RBPJ: variants seen among roughly 807,000 people sequenced by gnomAD.
RBPJ encodes the protein recombination signal binding protein for immunoglobulin kappa J region, also known as recombining binding protein suppressor of hairless.
A neutral mutation model predicts 67.8 loss-of-function variants in RBPJ; 9 were observed. The ratio of observed to expected loss-of-function variants is 0.13; its 90% CI spans 0.08 to 0.23. The LOEUF (loss-of-function observed/expected upper bound fraction) is 0.23, where lower values mean the gene tolerates loss of function less well. Among genes scored for constraint, RBPJ ranks in the 10% least tolerant of loss-of-function variants. The pLI is 1.00. For missense variants in RBPJ, 305 were observed against 595.6 expected (o/e 0.51, Z 5.08); for synonymous variants, 198 against 203.3 (o/e 0.97, Z 0.22).
chr4:26,420,173 T>A (rs1027185200), intron 4 of RBPJ, among the ~76,000 whole-genome samples: 28 of 151,936 alleles, frequency 1.8e-4, no homozygotes, highest in Non-Finnish European at 2.5e-4. Flanking sequence ...TATTATTATT[T>A]TTTTTTTGGA....
In RBPJ at chr4:26,395,337, C is replaced by A. The variant is rs188767959; in HGVS notation, c.59+8946C>A. On this transcript the variant is annotated intron_variant, in intron 2 of 10. Transcript: ENST00000355476. ...TGGTATTGCCCGCCTGTGGTCCTAGCTACATGGAAGGCTAAGGTGGGGTGA... is the reference window on the plus strand; with the variant it reads ...TGGTATTGCCCGCCTGTGGTCCTAGATACATGGAAGGCTAAGGTGGGGTGA... Among the ~76,000 whole-genome samples, 925 of 152,144 alleles carry A rather than the reference C, an allele frequency of 6.1e-3. 8 individuals carry two copies. The highest frequency in any genetic ancestry group is 0.01 in the Non-Finnish European group (689 of 67,998).
At chr4:26,341,854 C>T (rs761511385) in intron 1 of RBPJ, among the ~76,000 whole-genome samples, 6 of 152,156 alleles carry the variant, frequency 3.9e-5, no homozygotes, top group African/African-American at 9.6e-5. Context: ...AATACCAGCA[C>T]GTTTGTATGT....
chr4:26,400,595 G>A (rs1577615369), intron 2 of RBPJ, among the ~76,000 whole-genome samples: 1 of 152,224 alleles, frequency 6.6e-6, no homozygotes, highest in East Asian at 1.9e-4. Context: ...AGCTTTAATT[G>A]CCAGAGAACA....
chr4:26,231,903 A>T (rs947688552), intron 1 of RBPJ, among the ~76,000 whole-genome samples: 4 of 144,830 alleles, frequency 2.8e-5, no homozygotes, highest in Non-Finnish European at 6.1e-5. Context: ...TTATTTATTT[A>T]TTTTTTTAGA....
At chr4:26,130,482 C>G in the RBPJ span, among the ~76,000 whole-genome samples, 3 of 152,178 alleles carry the variant, frequency 2.0e-5, no homozygotes, top group East Asian at 5.8e-4. Context: ...GCAGCCGCTC[C>G]TCAGGTCTCC....
the RBPJ span, among the ~76,000 whole-genome samples, chr4:26,114,613 A>G: frequency 6.6e-6 from 1 of 151,922 alleles, no homozygotes; most frequent in African/African-American, 2.4e-5. Context: ...TTGTCAGGAG[A>G]AAATACGTAC....
At chr4:26,154,928 C>T in the RBPJ span, among the ~76,000 whole-genome samples, 1 of 152,196 alleles carries the variant, frequency 6.6e-6, no homozygotes, top group Non-Finnish European at 1.5e-5. Flanking sequence ...TAATACCCCC[C>T]ACCAGGCTTC....
intron 1 of RBPJ, among the ~76,000 whole-genome samples, chr4:26,326,679 C>T (rs1189307166): frequency 2.0e-5 from 3 of 151,600 alleles, no homozygotes; most frequent in Non-Finnish European, 4.4e-5. Context: ...TTGTGACTGT[C>T]AAATAAGGTA....
At chr4:26,251,847 C>CAAA (rs769291407) in intron 1 of RBPJ, among the ~76,000 whole-genome samples, 760 of 47,544 alleles carry the variant, frequency 0.016, no homozygotes, top group Non-Finnish European at 0.019. Flanking sequence ...GACTCCGTCT[C>CAAA]AAAAAAAAAA....
chr4:26,214,945 A>AG (rs1718615948), intron 1 of RBPJ, among the ~76,000 whole-genome samples: 1 of 102,430 alleles, frequency 9.8e-6, no homozygotes, highest in Non-Finnish European at 1.9e-5. Flanking sequence ...GGGAGGGAGG[A>AG]AGGACGGAAG....
intron 1 of RBPJ, among the ~76,000 whole-genome samples, chr4:26,262,495 C>T (rs1265731392): frequency 6.6e-6 from 1 of 152,288 alleles, no homozygotes; most frequent in Non-Finnish European, 1.5e-5. Flanking sequence ...CCCTTGGCTT[C>T]GAGGATAACT....
chr4:26,371,147 C>T (rs1729125796), intron 1 of RBPJ, among the ~76,000 whole-genome samples: 1 of 151,362 alleles, frequency 6.6e-6, no homozygotes, highest in South Asian at 2.1e-4. Flanking sequence ...TGGAAATTAA[C>T]TTAAACATTA....
the RBPJ span, among the ~76,000 whole-genome samples, chr4:26,117,779 A>G: frequency 6.6e-6 from 1 of 152,226 alleles, no homozygotes; most frequent in Non-Finnish European, 1.5e-5. Flanking sequence ...AAGTCAATAC[A>G]CATAAAACAC....
chr4:26,324,325 C>T (rs1176644378), intron 1 of RBPJ, among the ~76,000 whole-genome samples: 2 of 151,968 alleles, frequency 1.3e-5, no homozygotes, highest in South Asian at 2.1e-4. Context: ...AAAACAGATA[C>T]CTTTATTCCT....
At chr4:26,215,562 GC>G (rs1044465607) in intron 1 of RBPJ, among the ~76,000 whole-genome samples, 14 of 152,154 alleles carry the variant, frequency 9.2e-5, no homozygotes, top group Non-Finnish European at 7.4e-5. Context: ...ACTGAAATGT[GC>G]TTTTTAAATT....
At chr4:26,287,373 C>G (rs887291841) in intron 1 of RBPJ, among the ~76,000 whole-genome samples, 2 of 151,352 alleles carry the variant, frequency 1.3e-5, no homozygotes, top group African/African-American at 2.4e-5. Flanking sequence ...GACCCCATCT[C>G]TAGCAAAAAA....
At chr4:26,246,089 T>A (rs1719919894) in intron 1 of RBPJ, among the ~76,000 whole-genome samples, 1 of 152,230 alleles carries the variant, frequency 6.6e-6, no homozygotes, top group Admixed American at 6.5e-5. Flanking sequence ...GCTTTTCAAT[T>A]TCTGCAAAGA....
chr4:26,410,217 C>CGT (rs1733883035), intron 3 of RBPJ: 2 of 267,568 alleles, frequency 7.5e-6, no homozygotes, highest in African/African-American at 2.3e-5. Context: ...GTTGCAAAGG[C>CGT]GTAAGGCGTG....
rs1435014632 is a variant in RBPJ at position 26,433,714 on chromosome 4, T to C, written c.*2707T>C. 2 of 152,188 alleles carry C rather than the reference T, an allele frequency of 1.3e-5. No individual in the cohort carries two copies. Among genetic ancestry groups the C allele is most frequent in the Non-Finnish European group, 2.9e-5 (2 of 68,018 alleles). 9.4% of individuals were successfully genotyped at this position (152,188 alleles called of 1,614,324 possible). On this transcript the variant is annotated 3_prime_UTR_variant, in exon 11 of 11. Coordinates refer to ENST00000355476, the MANE Select transcript of RBPJ (RefSeq NM_015874.6). ...GTGAAATGATTTGTCCATTGTAGCT[T>C]ATTGTTTATCAGTAGTTCTTTTGTC...
Sources: gnomAD v4.1 joint callset for allele counts (sites outside exome capture counted in the v4.1 genomes callset) on GRCh38, gnomAD v4.1.1 for gene constraint, MANE v1.5 for transcripts, NCBI Gene and HGNC (gene_info 2026-07-23, HGNC 2026-07-21) for gene names.